Variants in TFDP2 observed in about 807,000 individuals in gnomAD.
TFDP2 encodes transcription factor Dp-2, also known as transcription factor Dp-2 (E2F dimerization partner 2).
Under a neutral mutation model 59.3 loss-of-function variants are expected in TFDP2, and 17 were observed. That is an observed-to-expected ratio of 0.29 (90% confidence interval 0.20 to 0.43). The LOEUF (loss-of-function observed/expected upper bound fraction) is 0.43, where lower values mean the gene tolerates loss of function less well. TFDP2 is among the 20% of genes least tolerant of loss of function. TFDP2 has a pLI of 1.00. For missense variants in TFDP2, 391 were observed against 528.8 expected (o/e 0.74, Z 2.56); for synonymous variants, 180 against 194.7 (o/e 0.92, Z 0.63).
chr3:141,968,725 T>C (rs1284722085), intron 9 of TFDP2, among the ~76,000 whole-genome samples: 4 of 107,582 alleles, frequency 3.7e-5, no homozygotes, highest in Non-Finnish European at 6.8e-5. Context: ...TATAGATATA[T>C]ATAACACATA....
intron 7 of TFDP2, among the ~76,000 whole-genome samples, chr3:141,977,762 G>C (rs994317619): frequency 7.9e-5 from 12 of 152,012 alleles, no homozygotes; most frequent in African/African-American, 2.6e-4. Flanking sequence ...CCAGGCTGGA[G>C]TACAGTGGTG....
intron 3 of TFDP2, among the ~76,000 whole-genome samples, chr3:142,037,463 T>C (rs113707211): frequency 1.3e-5 from 2 of 152,296 alleles, no homozygotes; most frequent in African/African-American, 4.8e-5. Flanking sequence ...TGAGTATTAT[T>C]TAAGCTGCAA....
At chr3:142,025,856 T>TG (rs1453717275) in intron 3 of TFDP2, among the ~76,000 whole-genome samples, 2 of 151,862 alleles carry the variant, frequency 1.3e-5, no homozygotes, top group Non-Finnish European at 2.9e-5. Flanking sequence ...CCCAGCTACT[T>TG]GGGGGGCTGA....
intron 3 of TFDP2, among the ~76,000 whole-genome samples, chr3:142,028,207 G>A (rs1252204632): frequency 6.6e-6 from 1 of 151,940 alleles, no homozygotes; most frequent in Non-Finnish European, 1.5e-5. Context: ...ATTAACTACT[G>A]GGGAAAAAAA....
intron 1 of TFDP2, among the ~76,000 whole-genome samples, chr3:142,122,423 TCCAATA>T (rs1003111335): frequency 2.0e-5 from 3 of 152,178 alleles, no homozygotes; most frequent in African/African-American, 7.2e-5. Context: ...TAGGATCACT[TCCAATA>T]CCAACTGTGT....
At position 142,144,486 on chromosome 3, in the gene TFDP2, G is replaced by T. The variant is rs545206854; in HGVS notation, c.-93+4697C>A. Reference sequence around the variant, plus strand: ...ATGCTCAGAAATCAAATTCTAATTAGATTACAGCTTATGCCACTAGGAAAG... The same window carrying T: ...ATGCTCAGAAATCAAATTCTAATTATATTACAGCTTATGCCACTAGGAAAG... On this transcript the variant is annotated intron_variant, in intron 1 of 12. Transcript: ENST00000489671. 6.6e-5 allele frequency among the ~76,000 whole-genome samples: 10 copies of T among 152,258 alleles called. No individual in the cohort carries two copies. The South Asian group carries it at 2.1e-3, about 32-fold the overall frequency.
At chr3:142,070,733 A>G (rs1005339161) in intron 3 of TFDP2, among the ~76,000 whole-genome samples, 3 of 152,232 alleles carry the variant, frequency 2.0e-5, no homozygotes, top group African/African-American at 4.8e-5. Flanking sequence ...ATTATTTATC[A>G]TTATATAATA....
At chr3:142,027,315 TTTTA>T (rs1946166464) in intron 3 of TFDP2, among the ~76,000 whole-genome samples, 1 of 152,202 alleles carries the variant, frequency 6.6e-6, no homozygotes, top group African/African-American at 2.4e-5. Flanking sequence ...AATGACTAAA[TTTTA>T]TTTATTCACT....
At chr3:142,096,645 G>A (rs149431941) in intron 2 of TFDP2, among the ~76,000 whole-genome samples, 5 of 152,206 alleles carry the variant, frequency 3.3e-5, no homozygotes, top group East Asian at 1.9e-4. Context: ...GTCACTATGC[G>A]TTTACTGAAT....
At chr3:142,093,372 C>T (rs2061059357) in intron 2 of TFDP2, among the ~76,000 whole-genome samples, 1 of 151,736 alleles carries the variant, frequency 6.6e-6, no homozygotes, top group Non-Finnish European at 1.5e-5. Flanking sequence ...TTGCTTGAGC[C>T]TGGGAGGCAG....
chr3:141,966,377 T>C (rs944874413), intron 9 of TFDP2, among the ~76,000 whole-genome samples: 5 of 151,768 alleles, frequency 3.3e-5, no homozygotes, highest in Non-Finnish European at 7.4e-5. Context: ...TTTACCATAT[T>C]GGCCAGGCTG....
At chr3:141,961,333 TC>T (rs748102201) in intron 10 of TFDP2, among the ~76,000 whole-genome samples, 20 of 139,516 alleles carry the variant, frequency 1.4e-4, no homozygotes, top group Non-Finnish European at 2.9e-4. Context: ...AAACTTCACC[TC>T]CTGGGTTCAA....
At chr3:141,985,039 T>C (rs965483598) in intron 6 of TFDP2, among the ~76,000 whole-genome samples, 1 of 152,156 alleles carries the variant, frequency 6.6e-6, no homozygotes, top group Non-Finnish European at 1.5e-5. Flanking sequence ...TCTGGTTAAC[T>C]ACTACTGCTG....
At chr3:141,993,927 G>A (rs1446971219) in intron 5 of TFDP2, among the ~76,000 whole-genome samples, 1 of 152,222 alleles carries the variant, frequency 6.6e-6, no homozygotes, top group Non-Finnish European at 1.5e-5. Flanking sequence ...CACAAATGGG[G>A]CTGAAAACAT....
chr3:142,122,265 C>A (rs115310743), intron 1 of TFDP2, among the ~76,000 whole-genome samples: 1 of 152,162 alleles, frequency 6.6e-6, no homozygotes, highest in Non-Finnish European at 1.5e-5. Context: ...TCCCACATAA[C>A]GATAAATTCA....
intron 1 of TFDP2, among the ~76,000 whole-genome samples, chr3:142,119,537 T>C (rs191083710): frequency 6.8e-4 from 103 of 150,440 alleles, no homozygotes; most frequent in African/African-American, 2.4e-3. Context: ...GAATGGCAAT[T>C]CCTACAAAAA....
chr3:142,149,331 C>G lies in TFDP2; in HGVS notation c.-241G>C, dbSNP rs1021799534. The G allele has an allele frequency of 2.3e-5, 9 of 393,632 alleles. No homozygotes were observed. In the Admixed American group the frequency reaches 4.0e-4, roughly 17 times the overall value. 24.4% of individuals were successfully genotyped at this position (393,632 alleles called of 1,614,324 possible). On this transcript the variant is annotated 5_prime_UTR_variant, in exon 1 of 13. Transcript: ENST00000489671. The stretch of plus-strand genomic sequence containing the variant: ...CACACCCGGGGAGACGCGGCCTGCC[C>G]GGTCAAGGCCCAGGAGTTTGAGGCC...
At position 141,959,530 on chromosome 3, in the gene TFDP2, A is replaced by C. The variant is rs1469505000; in HGVS notation, c.1051+144T>G. The C allele has an allele frequency of 7.5e-6, 6 of 804,808 alleles. No individual in the cohort carries two copies. In the East Asian group the frequency reaches 1.5e-4, roughly 20 times the overall value. 49.9% of individuals were successfully genotyped at this position (804,808 alleles called of 1,614,324 possible). ...ACTATTTAATCTAATTTTTGAAAAA[A>C]TGGTCCTAAAGTGTTAAAGGTTTCA... On this transcript the variant is annotated intron_variant, in intron 11 of 12. Coordinates refer to ENST00000489671, the MANE Select transcript of TFDP2 (RefSeq NM_001178139.2).
chr3:142,030,323 TGAG>T (rs1434777989), intron 3 of TFDP2, among the ~76,000 whole-genome samples: 1 of 152,230 alleles, frequency 6.6e-6, no homozygotes, highest in Non-Finnish European at 1.5e-5. Flanking sequence ...CTACTGGATG[TGAG>T]GTCAGTATAA....
Sources: allele counts gnomAD v4.1 joint callset (sites outside exome capture counted in the v4.1 genomes callset), GRCh38; gene constraint gnomAD v4.1.1; transcripts MANE v1.5; gene names NCBI Gene and HGNC (gene_info 2026-07-23, HGNC 2026-07-21).